The following PPP2R2A variants were observed in gnomAD, a reference collection of about 807,000 sequenced individuals.
The protein encoded by PPP2R2A is serine/threonine-protein phosphatase 2A 55 kDa regulatory subunit B alpha isoform.
PPP2R2A carries 9 observed loss-of-function variants against 53.2 expected under a neutral mutation model. The ratio of observed to expected loss-of-function variants is 0.17; its 90% CI spans 0.10 to 0.30. The LOEUF is 0.30. Ranked by LOEUF, PPP2R2A falls within the 10% of genes least tolerant of loss-of-function variation. The pLI is 1.00. For synonymous variants in PPP2R2A, 169 were observed against 174.2 expected, an observed-to-expected ratio of 0.97 and a Z score of 0.23; for missense variants, 235 against 534.6, an observed-to-expected ratio of 0.44 and a Z score of 5.53.
rs1460129983 is a variant in PPP2R2A, at chr8:26,291,555, T to C, written c.-265T>C. On this transcript the variant is annotated 5_prime_UTR_variant, in exon 1 of 10. Transcript: ENST00000380737. The stretch of plus-strand genomic sequence containing the variant: ...AAGTGGAGTCGCCTGCCCCTGCCGC[T>C]GCCGCCGCCGCCGTCGCTGTCGTAG... The C allele has an allele frequency of 6.0e-6, 3 of 501,974 alleles. No homozygotes were observed. Among genetic ancestry groups the C allele is most frequent in the South Asian group, 2.2e-5 (1 of 45,612 alleles). The allele number at this position is 501,974 out of a possible 1,614,324, so 31.1% of individuals were successfully genotyped here.
rs1161234226 is a variant in PPP2R2A, at chr8:26,360,880, C to A, written c.460-94C>A. The A allele has an allele frequency of 2.3e-5, 28 of 1,237,068 alleles. No homozygotes were observed. In the Middle Eastern group the frequency reaches 1.1e-3, roughly 47 times the overall value. The allele number at this position is 1,237,068 out of a possible 1,614,324, so 76.6% of individuals were successfully genotyped here. A position where few individuals can be genotyped will look rare whatever the true frequency, so the allele number is the denominator to read the frequency against. On this transcript the variant is annotated intron_variant, in intron 5 of 9. Coordinates refer to ENST00000380737, the MANE Select transcript of PPP2R2A (RefSeq NM_002717.4). The surrounding 1 kb of genome is among the most constrained non-coding windows in gnomAD (Gnocchi z 4.5). ...ATGTAATATTGTTCTATTTTATGTTCTCAAAAACTGAAATAATGAAGTTTT... is the reference window on the plus strand; with the variant it reads ...ATGTAATATTGTTCTATTTTATGTTATCAAAAACTGAAATAATGAAGTTTT...
chr8:26,362,931 A>C lies in PPP2R2A; in HGVS notation c.802+83A>C. The C allele has an allele frequency of 7.4e-7, 1 of 1,352,228 alleles. No individual in the cohort carries two copies. The highest frequency in any genetic ancestry group is 1.3e-5 in the South Asian group (1 of 79,952). The allele number at this position is 1,352,228 out of a possible 1,614,324, so 83.8% of individuals were successfully genotyped here. On this transcript the variant is annotated intron_variant, in intron 7 of 9. Transcript: ENST00000380737. The surrounding 1 kb of genome is among the most constrained non-coding windows in gnomAD (Gnocchi z 4.4). ...CCTCAGACATGATAAGTACAATTAC[A>C]GAGGTTCAAAGTCTTAAACCCGTGT...
At chr8:26,346,386 C>G (rs1314596967) in intron 3 of PPP2R2A, among the ~76,000 whole-genome samples, 1 of 152,106 alleles carries the variant, frequency 6.6e-6, no homozygotes, top group East Asian at 1.9e-4. Context: ...AGTTATCTGC[C>G]CACTTAGGCC....
intron 2 of PPP2R2A, among the ~76,000 whole-genome samples, chr8:26,335,974 C>T (rs1471509339): frequency 2.0e-5 from 3 of 152,314 alleles, no homozygotes; most frequent in Admixed American, 2.0e-4. Context: ...GCAATCAAGT[C>T]TTTTTCTTCT....
At chr8:26,297,262 G>T (rs374623035) in intron 2 of PPP2R2A, among the ~76,000 whole-genome samples, 1 of 151,962 alleles carries the variant, frequency 6.6e-6, no homozygotes, top group Non-Finnish European at 1.5e-5. Flanking sequence ...GGTGCACCCC[G>T]CCATGTCCGG....
chr8:26,313,433 C>T (rs1256803758), intron 2 of PPP2R2A, among the ~76,000 whole-genome samples: 1 of 152,172 alleles, frequency 6.6e-6, no homozygotes, highest in Non-Finnish European at 1.5e-5. Context: ...TAGGCTCTTC[C>T]TACTGCTCCT....
chr8:26,361,591 GCAA>G, intron 6 of PPP2R2A, among the ~76,000 whole-genome samples: 1 of 151,706 alleles, frequency 6.6e-6, no homozygotes, highest in Non-Finnish European at 1.5e-5. Context: ...GGATGACAGA[GCAA>G]CACCCTGTCT....
chr8:26,298,461 A>G (rs181831285), intron 2 of PPP2R2A: 1 of 152,322 alleles, frequency 6.6e-6, no homozygotes, highest in Admixed American at 6.5e-5. Flanking sequence ...AGCTATTCAC[A>G]TTATCACCCC....
rs1804669510 is a variant in PPP2R2A at position 26,354,370 on chromosome 8, G to A, written c.181-98G>A. On this transcript the variant is annotated intron_variant, in intron 3 of 9. Coordinates refer to ENST00000380737, the MANE Select transcript of PPP2R2A (RefSeq NM_002717.4). This position sits in a 1 kb window ranked among gnomAD's most constrained non-coding sequence, Gnocchi z 4.6. ...ATTGTATAAAGACACAACTAATGGG[G>A]TATTGAGAATGTGCAGGGTCCTTTG... 5.6e-6 allele frequency: 5 copies of A among 896,612 alleles called. No individual in the cohort carries two copies. In the South Asian group the frequency reaches 1.6e-4, roughly 28 times the overall value. 55.5% of individuals were successfully genotyped at this position (896,612 alleles called of 1,614,324 possible). A position where few individuals can be genotyped will look rare whatever the true frequency, so the allele number is the denominator to read the frequency against.
In PPP2R2A at chr8:26,354,886, T is replaced by A. The variant is rs182906602; in HGVS notation, c.346+253T>A. Among the ~76,000 whole-genome samples the A allele has an allele frequency of 7.9e-5, 12 of 152,352 alleles. No homozygotes were observed. In the East Asian group the frequency reaches 1.2e-3, roughly 15 times the overall value. ...GAATGGGCTGCTATACCATTGGATT[T>A]AGGTCAGGTAATATTTCTGTCATTT... On this transcript the variant is annotated intron_variant, in intron 4 of 9. Transcript: ENST00000380737. The surrounding 1 kb of genome is among the most constrained non-coding windows in gnomAD (Gnocchi z 4.6).
chr8:26,352,951 A>G (rs1243493717), intron 3 of PPP2R2A, among the ~76,000 whole-genome samples: 2 of 152,202 alleles, frequency 1.3e-5, no homozygotes, highest in African/African-American at 2.4e-5. Flanking sequence ...CCTAGTGTAC[A>G]TAGTACTATA....
At chr8:26,337,307 C>G (rs377577045) in intron 2 of PPP2R2A, among the ~76,000 whole-genome samples, 1 of 152,052 alleles carries the variant, frequency 6.6e-6, no homozygotes, top group East Asian at 1.9e-4. Context: ...GCTGGACTTA[C>G]GAGAAAGAAT....
chr8:26,369,252 A>T (rs779239321), intron 9 of PPP2R2A, among the ~76,000 whole-genome samples: 3 of 152,118 alleles, frequency 2.0e-5, no homozygotes, highest in Admixed American at 1.3e-4. Context: ...TATGAGACAG[A>T]GTCTCACTCT....
chr8:26,351,952 A>G (rs1428655667), intron 3 of PPP2R2A, among the ~76,000 whole-genome samples: 1 of 152,250 alleles, frequency 6.6e-6, no homozygotes, highest in Non-Finnish European at 1.5e-5. Flanking sequence ...CTGCTTTGAA[A>G]GTCTTTATTG....
intron 4 of PPP2R2A, among the ~76,000 whole-genome samples, chr8:26,356,567 A>G (rs1036663222): frequency 3.3e-5 from 5 of 152,190 alleles, no homozygotes; most frequent in Non-Finnish European, 7.3e-5. Context: ...TATATGGTAA[A>G]CTAAGTTATT....
intron 4 of PPP2R2A, among the ~76,000 whole-genome samples, chr8:26,358,746 A>G (rs764905598): frequency 2.6e-5 from 4 of 152,218 alleles, no homozygotes; most frequent in African/African-American, 4.8e-5. Flanking sequence ...CTGTTATACA[A>G]TTGTAACAGT....
chr8:26,348,157 T>C (rs1804315330), intron 3 of PPP2R2A, among the ~76,000 whole-genome samples: 1 of 152,112 alleles, frequency 6.6e-6, no homozygotes, highest in Non-Finnish European at 1.5e-5. Context: ...TTAGTAGGGT[T>C]CTATTTGGAG....
intron 2 of PPP2R2A, among the ~76,000 whole-genome samples, chr8:26,319,473 T>TA (rs1563294604): frequency 6.6e-6 from 1 of 152,226 alleles, no homozygotes; most frequent in Non-Finnish European, 1.5e-5. Context: ...CTACTTTTTT[T>TA]ATAAGAATTT....
chr8:26,330,117 CTG>C (rs997581792), intron 2 of PPP2R2A, among the ~76,000 whole-genome samples: 1 of 152,104 alleles, frequency 6.6e-6, no homozygotes, highest in African/African-American at 2.4e-5. Context: ...CTTTTTCTTC[CTG>C]TCTTTGCTTT....
Sources: allele counts gnomAD v4.1 joint callset (sites outside exome capture counted in the v4.1 genomes callset), GRCh38; gene constraint gnomAD v4.1.1; non-coding constraint Gnocchi (gnomAD v3.1); transcripts MANE v1.5; gene names NCBI Gene and HGNC (gene_info 2026-07-23, HGNC 2026-07-21).